Variants in KCNH7 observed in about 807,000 individuals in gnomAD.
KCNH7 encodes potassium voltage-gated channel subfamily H member 7.
Under a neutral mutation model 120.8 loss-of-function variants are expected in KCNH7, and 49 were observed. The ratio of observed to expected loss-of-function variants is 0.41; its 90% CI spans 0.32 to 0.51. The LOEUF (loss-of-function observed/expected upper bound fraction) is 0.51, where lower values mean the gene tolerates loss of function less well. Ranked by LOEUF, KCNH7 falls within the 20% of genes least tolerant of loss-of-function variation. KCNH7 has a pLI of 0.38. For synonymous variants in KCNH7, 547 were observed against 516.1 expected (o/e 1.06, Z -0.81); for missense variants, 1,097 against 1,446.6 (o/e 0.76, Z 3.92).
chr2:162,611,091 G>A (rs1387471640), intron 2 of KCNH7, among the ~76,000 whole-genome samples: 1 of 152,148 alleles, frequency 6.6e-6, no homozygotes, highest in Non-Finnish European at 1.5e-5. Flanking sequence ...CATGTCATGT[G>A]GTTTAAGTTT....
rs77191188 is a variant in KCNH7 at position 162,447,942 on chromosome 2, C to T, written c.1129-1499G>A. On this transcript the variant is annotated intron_variant, in intron 6 of 15. Coordinates refer to ENST00000332142, the MANE Select transcript of KCNH7 (RefSeq NM_033272.4). ...TTTGATAACTGCTAAACTACTTTAA[C>T]TAGTTTTCAAAAAATAATAAAGAAT... Among the ~76,000 whole-genome samples, 873 of 152,144 alleles carry T rather than the reference C, an allele frequency of 5.7e-3. 5 individuals are homozygous for T. The highest frequency in any genetic ancestry group is 8.0e-3 in the Non-Finnish European group (547 of 67,976).
intron 6 of KCNH7, among the ~76,000 whole-genome samples, chr2:162,465,486 G>T (rs76285294): frequency 6.6e-6 from 1 of 152,088 alleles, no homozygotes. Flanking sequence ...GGCAATTGCC[G>T]TGGCAGTACA....
At chr2:162,615,786 A>C (rs1683122493) in intron 2 of KCNH7, among the ~76,000 whole-genome samples, 1 of 152,130 alleles carries the variant, frequency 6.6e-6, no homozygotes, top group Non-Finnish European at 1.5e-5. Context: ...AAAATGTCCT[A>C]GCTCTGGGAC....
At chr2:162,431,500 C>T (rs975091992) in intron 8 of KCNH7, among the ~76,000 whole-genome samples, 1 of 151,700 alleles carries the variant, frequency 6.6e-6, no homozygotes, top group African/African-American at 2.4e-5. Flanking sequence ...TTATTATTGC[C>T]AAATTTCAAG....
chr2:162,804,779 GA>G (rs1443661900), intron 2 of KCNH7, among the ~76,000 whole-genome samples: 2 of 129,212 alleles, frequency 1.5e-5, no homozygotes, highest in African/African-American at 5.5e-5. Context: ...AAAAAAAAAA[GA>G]GACAAATAGC....
At chr2:162,602,931 G>A (rs1694605396) in intron 2 of KCNH7, among the ~76,000 whole-genome samples, 1 of 151,184 alleles carries the variant, frequency 6.6e-6, no homozygotes, top group Non-Finnish European at 1.5e-5. Context: ...GGAGGAGGAG[G>A]AGGTTGAGCT....
chr2:162,471,121 G>A (rs890947761), intron 6 of KCNH7, among the ~76,000 whole-genome samples: 1 of 151,942 alleles, frequency 6.6e-6, no homozygotes, highest in Non-Finnish European at 1.5e-5. Flanking sequence ...AGGGCCGCAG[G>A]GTCCTCTGCC....
In KCNH7 at chr2:162,568,079, A is replaced by G. The variant is rs1443742414; in HGVS notation, c.308-30999T>C. Among the ~76,000 whole-genome samples the G allele has an allele frequency of 2.6e-5, 4 of 152,096 alleles. No homozygotes were observed. In the South Asian group the frequency reaches 6.2e-4, roughly 24 times the overall value. Reference sequence around the variant, plus strand: ...AGGAAACTTAACAATCATGGTGGAAAGTGGAGCAAACATGTCCTTCTTCAC... The same window carrying G: ...AGGAAACTTAACAATCATGGTGGAAGGTGGAGCAAACATGTCCTTCTTCAC... On this transcript the variant is annotated intron_variant, in intron 2 of 15. Coordinates refer to ENST00000332142, the MANE Select transcript of KCNH7 (RefSeq NM_033272.4).
chr2:162,765,871 G>C (rs558162649), intron 2 of KCNH7, among the ~76,000 whole-genome samples: 1 of 151,842 alleles, frequency 6.6e-6, no homozygotes, highest in East Asian at 1.9e-4. Flanking sequence ...ATGATCCTCC[G>C]GCCTCAGCCT....
In KCNH7 at chr2:162,435,403, G is replaced by A; in HGVS notation, c.1749C>T (p.Asp583=). The A allele has an allele frequency of 6.2e-7, 1 of 1,613,822 alleles. No homozygotes were observed. Among genetic ancestry groups the A allele is most frequent in the East Asian group, 2.2e-5 (1 of 44,864 alleles). ...IGNVERPYLT[D]KIGWLDSLGQ... ...CTAAGGAATCCAACCATCCGATTTT[G>A]TCAGTCAGGTAAGGCCTTTCTACAT... Residue 583 remains aspartate (D), a synonymous_variant, in exon 8 of 16, where the codon GAC becomes GAT. Coordinates refer to ENST00000332142, the MANE Select transcript of KCNH7 (RefSeq NM_033272.4).
intron 2 of KCNH7, among the ~76,000 whole-genome samples, chr2:162,698,973 T>C (rs1686394899): frequency 6.6e-6 from 1 of 152,150 alleles, no homozygotes; most frequent in Non-Finnish European, 1.5e-5. Flanking sequence ...AAAAATTATA[T>C]ATCTTTATCA....
intron 2 of KCNH7, among the ~76,000 whole-genome samples, chr2:162,710,952 G>A (rs986601413): frequency 1.3e-5 from 2 of 151,936 alleles, no homozygotes; most frequent in African/African-American, 2.4e-5. Context: ...TTTTGCTTTG[G>A]ATTCATATCA....
At chr2:162,774,283 C>A (rs1362552498) in intron 2 of KCNH7, among the ~76,000 whole-genome samples, 1 of 151,962 alleles carries the variant, frequency 6.6e-6, no homozygotes, top group African/African-American at 2.4e-5. Context: ...ATTTTATTTT[C>A]TTTACCTCAT....
At chr2:162,706,524 T>C (rs987373029) in intron 2 of KCNH7, among the ~76,000 whole-genome samples, 2 of 152,060 alleles carry the variant, frequency 1.3e-5, no homozygotes, top group African/African-American at 2.4e-5. Context: ...AGTTAGCAAA[T>C]GGCAGAGCCC....
intron 10 of KCNH7, 56 bp from the exon 11 acceptor site, chr2:162,397,001 CCTT>C: frequency 8.2e-7 from 1 of 1,220,854 alleles, no homozygotes; most frequent in Non-Finnish European, 1.2e-6. Flanking sequence ...TCAATGTTCT[CCTT>C]CTAAAAGTAG....
intron 10 of KCNH7, among the ~76,000 whole-genome samples, chr2:162,398,255 T>C (rs1190909462): frequency 6.6e-6 from 1 of 151,858 alleles, no homozygotes; most frequent in Non-Finnish European, 1.5e-5. Flanking sequence ...TACACCTCAC[T>C]GTAGAAGCTA....
intron 6 of KCNH7, among the ~76,000 whole-genome samples, chr2:162,490,783 C>T (rs1050220636): frequency 6.6e-6 from 1 of 152,164 alleles, no homozygotes; most frequent in Non-Finnish European, 1.5e-5. Flanking sequence ...TTTTTCAGGG[C>T]TGTCATGGCA....
intron 5 of KCNH7, among the ~76,000 whole-genome samples, chr2:162,505,082 C>T (rs1390945068): frequency 6.6e-6 from 1 of 151,918 alleles, no homozygotes; most frequent in East Asian, 1.9e-4. Flanking sequence ...GGATTGTTTA[C>T]CCTGCTCCAA....
intron 6 of KCNH7, among the ~76,000 whole-genome samples, chr2:162,475,439 G>A (rs1002367384): frequency 2.0e-5 from 3 of 152,122 alleles, no homozygotes; most frequent in Admixed American, 6.5e-5. Context: ...TGCCTTCCCC[G>A]TCTCCACCCA....
Sources: gnomAD v4.1 joint callset for allele counts (sites outside exome capture counted in the v4.1 genomes callset) on GRCh38, gnomAD v4.1.1 for gene constraint, MANE v1.5 for transcripts, NCBI Gene and HGNC (gene_info 2026-07-23, HGNC 2026-07-21) for gene names.